CERS6: variants seen among roughly 807,000 people sequenced by gnomAD.
CERS6 encodes ceramide synthase 6.
CERS6 carries 26 observed loss-of-function variants against 56.8 expected under a neutral mutation model. The ratio of observed to expected loss-of-function variants is 0.46; its 90% CI spans 0.34 to 0.63. The LOEUF (loss-of-function observed/expected upper bound fraction) is 0.63, where lower values mean the gene tolerates loss of function less well. Among genes scored for constraint, CERS6 ranks in the 30% least tolerant of loss-of-function variants. The pLI is 0.01. For missense variants in CERS6, 415 were observed against 467.5 expected, an observed-to-expected ratio of 0.89 and a Z score of 1.04; for synonymous variants, 164 against 173.3, an observed-to-expected ratio of 0.95 and a Z score of 0.42.
intron 8 of CERS6, among the ~76,000 whole-genome samples, chr2:168,754,798 G>T (rs1255015365): frequency 6.6e-6 from 1 of 152,106 alleles, no homozygotes; most frequent in Admixed American, 6.5e-5. Context: ...TTGCTCTGTT[G>T]CCCAGATGGA....
intron 4 of CERS6, among the ~76,000 whole-genome samples, chr2:168,681,799 C>G (rs770834899): frequency 5.3e-5 from 8 of 152,270 alleles, no homozygotes; most frequent in Non-Finnish European, 8.8e-5. Context: ...TCCCCTTACC[C>G]TGCCCATCCC....
At chr2:168,484,381 A>G (rs1436431708) in intron 1 of CERS6, among the ~76,000 whole-genome samples, 1 of 151,292 alleles carries the variant, frequency 6.6e-6, no homozygotes, top group South Asian at 2.1e-4. Context: ...GGGTTTCTCC[A>G]TGTTGGTCAG....
intron 1 of CERS6, among the ~76,000 whole-genome samples, chr2:168,516,522 G>T (rs973353527): frequency 3.9e-5 from 6 of 152,074 alleles, no homozygotes; most frequent in African/African-American, 1.4e-4. Context: ...AAATCAAGTT[G>T]TTCAATCTCC....
chr2:168,460,620 T>C (rs949603728), intron 1 of CERS6, among the ~76,000 whole-genome samples: 2 of 152,220 alleles, frequency 1.3e-5, no homozygotes, highest in African/African-American at 4.8e-5. Flanking sequence ...AAAGCTACAG[T>C]ATTTCAGAAT....
chr2:168,667,538 A>G (rs954285213), intron 4 of CERS6, among the ~76,000 whole-genome samples: 3 of 151,590 alleles, frequency 2.0e-5, no homozygotes, highest in African/African-American at 7.3e-5. Flanking sequence ...CTTTTCTTAT[A>G]TAAAGCTCTC....
chr2:168,508,047 G>A (rs1440644519), intron 1 of CERS6, among the ~76,000 whole-genome samples: 2 of 152,044 alleles, frequency 1.3e-5, no homozygotes, highest in Non-Finnish European at 2.9e-5. Context: ...GGGAGTTCTT[G>A]ATTTTTTATT....
intron 3 of CERS6, among the ~76,000 whole-genome samples, chr2:168,573,269 A>T (rs1696023965): frequency 6.6e-6 from 1 of 152,208 alleles, no homozygotes; most frequent in African/African-American, 2.4e-5. Context: ...TTTAGCAGAC[A>T]GCAACAGGAG....
chr2:168,588,276 A>G (rs559252380), intron 3 of CERS6, among the ~76,000 whole-genome samples: 3 of 152,200 alleles, frequency 2.0e-5, no homozygotes, highest in East Asian at 1.9e-4. Context: ...CGTCTTACCC[A>G]TTTTTAAGTG....
intron 2 of CERS6, among the ~76,000 whole-genome samples, chr2:168,548,365 C>T (rs1695504922): frequency 6.6e-6 from 1 of 152,056 alleles, no homozygotes; most frequent in African/African-American, 2.4e-5. Flanking sequence ...GCCTCTGCCC[C>T]CATCCCAAGT....
chr2:168,682,684 G>C (rs1366252082), intron 4 of CERS6, among the ~76,000 whole-genome samples: 2 of 152,130 alleles, frequency 1.3e-5, no homozygotes, highest in Non-Finnish European at 2.9e-5. Flanking sequence ...TCTCACAATG[G>C]GGGGTGGGAG....
At chr2:168,695,362 A>C (rs1686619685) in intron 6 of CERS6, among the ~76,000 whole-genome samples, 1 of 152,184 alleles carries the variant, frequency 6.6e-6, no homozygotes, top group Admixed American at 6.6e-5. Context: ...ATTAAATAAA[A>C]AGCAAGAATT....
chr2:168,767,492 G>A (rs964685206), intron 9 of CERS6, among the ~76,000 whole-genome samples: 2 of 152,198 alleles, frequency 1.3e-5, no homozygotes, highest in Admixed American at 1.3e-4. Flanking sequence ...CAATGTTTAA[G>A]TTCAATTATC....
chr2:168,533,834 T>C (rs1470784117), intron 1 of CERS6, among the ~76,000 whole-genome samples: 1 of 152,164 alleles, frequency 6.6e-6, no homozygotes, highest in Non-Finnish European at 1.5e-5. Flanking sequence ...ATTCTCCCCA[T>C]GTCCTTCAGG....
At chr2:168,620,289 G>A (rs992506550) in intron 3 of CERS6, among the ~76,000 whole-genome samples, 1 of 152,072 alleles carries the variant, frequency 6.6e-6, no homozygotes, top group Non-Finnish European at 1.5e-5. Flanking sequence ...TGGGAAGGGT[G>A]TGAGGGATAA....
intron 2 of CERS6, among the ~76,000 whole-genome samples, chr2:168,560,731 T>A (rs987673652): frequency 6.6e-6 from 1 of 152,232 alleles, no homozygotes; most frequent in African/African-American, 2.4e-5. Context: ...CCATGCTTTT[T>A]GTCTCTACTA....
intron 3 of CERS6, among the ~76,000 whole-genome samples, chr2:168,627,071 TTAAG>T (rs2105291396): frequency 6.6e-6 from 1 of 152,314 alleles, no homozygotes; most frequent in Admixed American, 6.5e-5. Context: ...AGAGTAATCT[TTAAG>T]TGTTTAAAGA....
At chr2:168,535,747 A>G (rs1166478484) in intron 1 of CERS6, among the ~76,000 whole-genome samples, 1 of 127,498 alleles carries the variant, frequency 7.8e-6, no homozygotes, top group Non-Finnish European at 1.7e-5. Context: ...ATTTCTGTAT[A>G]CTACCTTTTT....
chr2:168,717,833 T>G, intron 7 of CERS6, 39 bp from the exon 8 acceptor site: 1 of 1,483,916 alleles, frequency 6.7e-7, no homozygotes, highest in Non-Finnish European at 9.4e-7. Context: ...TTATTATCAG[T>G]TTAACTACAT....
Position 168,766,414 on chromosome 2 carries a change from T to C in CERS6, c.1002+666T>C. 3 of 1,359,540 alleles carry C rather than the reference T, an allele frequency of 2.2e-6. No homozygotes were observed. The South Asian group carries it at 3.5e-5, about 16-fold the overall frequency. 84.2% of individuals were successfully genotyped at this position (1,359,540 alleles called of 1,614,324 possible). On this transcript the variant is annotated intron_variant, in intron 9 of 9. Coordinates refer to ENST00000305747, the MANE Select transcript of CERS6 (RefSeq NM_203463.3). ...CTTGCCTGTTGGAGGGGCACTCAGA[T>C]GCTTTTGTTTCCACGCATATTGTTC...
Sources: gnomAD v4.1 joint callset for allele counts (sites outside exome capture counted in the v4.1 genomes callset) on GRCh38, gnomAD v4.1.1 for gene constraint, MANE v1.5 for transcripts, NCBI Gene and HGNC (gene_info 2026-07-23, HGNC 2026-07-21) for gene names.